BRD10: variants seen among roughly 807,000 people sequenced by gnomAD.
BRD10 encodes the protein uncharacterized bromodomain-containing protein 10.
At chr9:5,954,056 C>A in the BRD10 span, 1 of 1,567,504 alleles carries the variant, frequency 6.4e-7, no homozygotes, top group East Asian at 2.3e-5. Flanking sequence ...GACAGTTTTC[C>A]TCTTCTTTGT....
chr9:5,919,636 G>A, the BRD10 span: 2 of 1,511,544 alleles, frequency 1.3e-6, no homozygotes, highest in Admixed American at 2.3e-5. Context: ...TTTTATGGGA[G>A]TCAAAACAAT....
chr9:5,931,512 A>T, the BRD10 span, among the ~76,000 whole-genome samples: 1 of 152,218 alleles, frequency 6.6e-6, no homozygotes, highest in African/African-American at 2.4e-5. Flanking sequence ...AAATATTATG[A>T]TCAGAGAACA....
chr9:6,004,868 T>C, the BRD10 span, among the ~76,000 whole-genome samples: 2 of 152,216 alleles, frequency 1.3e-5, no homozygotes, highest in South Asian at 2.1e-4. Flanking sequence ...GATTTTAGGC[T>C]AGAAGAACTG....
the BRD10 span, chr9:5,953,904 C>A: frequency 1.5e-6 from 1 of 683,522 alleles, no homozygotes; most frequent in Non-Finnish European, 2.6e-6. Context: ...AGAAACATTT[C>A]ATTACAAGTA....
chr9:5,925,721 A>C, the BRD10 span, among the ~76,000 whole-genome samples: 2 of 152,216 alleles, frequency 1.3e-5, no homozygotes, highest in African/African-American at 4.8e-5. Context: ...AACAAAGCTG[A>C]AAAGTAATCT....
At chr9:5,945,337 C>T in the BRD10 span, among the ~76,000 whole-genome samples, 1 of 152,098 alleles carries the variant, frequency 6.6e-6, no homozygotes, top group Non-Finnish European at 1.5e-5. Context: ...ATCAGGCAGT[C>T]TCCCAGTAGG....
the BRD10 span, among the ~76,000 whole-genome samples, chr9:5,940,847 G>T: frequency 0.011 from 1,741 of 152,158 alleles, 35 homozygotes; most frequent in African/African-American, 0.039. Context: ...TCAATGTTGA[G>T]GGGCTTATCT....
chr9:5,991,914 CT>C, the BRD10 span, among the ~76,000 whole-genome samples: 1 of 152,218 alleles, frequency 6.6e-6, no homozygotes, highest in Non-Finnish European at 1.5e-5. Context: ...AGCTACAAAA[CT>C]CTCCATTTTA....
the BRD10 span, among the ~76,000 whole-genome samples, chr9:5,904,270 T>A: frequency 2.0e-5 from 3 of 152,238 alleles, no homozygotes; most frequent in Admixed American, 6.5e-5. Context: ...CAATCTGTCT[T>A]TTAATTGGTG....
At chr9:5,888,906 A>T in the BRD10 span, among the ~76,000 whole-genome samples, 3 of 152,214 alleles carry the variant, frequency 2.0e-5, no homozygotes, top group African/African-American at 7.2e-5. Flanking sequence ...GAATTTCTCA[A>T]TTGAGTTGTG....
At chr9:5,901,157 G>A in the BRD10 span, among the ~76,000 whole-genome samples, 4 of 151,978 alleles carry the variant, frequency 2.6e-5, no homozygotes, top group Non-Finnish European at 4.4e-5. Flanking sequence ...AGAAAAAAAT[G>A]GTAATTGACA....
chr9:5,983,962 T>TACACAC, the BRD10 span, among the ~76,000 whole-genome samples: 7,908 of 129,564 alleles, frequency 0.061, 275 homozygotes, highest in African/African-American at 0.094. Flanking sequence ...GTATATGCAT[T>TACACAC]ACACACACAC....
At chr9:5,997,468 T>C in the BRD10 span, among the ~76,000 whole-genome samples, 2 of 151,874 alleles carry the variant, frequency 1.3e-5, no homozygotes, top group African/African-American at 4.8e-5. Context: ...GGACTCACTC[T>C]ACCAAATATA....
chr9:5,959,329 C>A, the BRD10 span, among the ~76,000 whole-genome samples: 1 of 152,164 alleles, frequency 6.6e-6, no homozygotes, highest in African/African-American at 2.4e-5. Context: ...CTAATCCTGT[C>A]ACTTACTAGC....
the BRD10 span, among the ~76,000 whole-genome samples, chr9:5,895,560 C>T: frequency 1.3e-5 from 2 of 152,202 alleles, no homozygotes; most frequent in African/African-American, 4.8e-5. Context: ...AGAAGGACTA[C>T]ATACCTGCTT....
At chr9:5,919,579 C>A in the BRD10 span, 1 of 997,154 alleles carries the variant, frequency 1.0e-6, no homozygotes, top group Admixed American at 2.8e-5. Flanking sequence ...CACACACACA[C>A]ACACAATGTA....
At chr9:5,921,455 G>C in the BRD10 span, 4 of 1,613,944 alleles carry the variant, frequency 2.5e-6, no homozygotes, top group East Asian at 2.2e-5. Context: ...TGTACCACTA[G>C]GAACTGGGGC....
chr9:5,956,438 T>C, the BRD10 span, among the ~76,000 whole-genome samples: 3 of 152,290 alleles, frequency 2.0e-5, no homozygotes, highest in East Asian at 1.9e-4. Flanking sequence ...CCTACTATTA[T>C]AGAGGTCATG....
chr9:5,890,522 C>A, the BRD10 span, among the ~76,000 whole-genome samples: 7 of 152,070 alleles, frequency 4.6e-5, no homozygotes, highest in African/African-American at 1.7e-4. Flanking sequence ...ATGAAATTTT[C>A]TTTTTGCAGG....
Sources: gnomAD v4.1 joint callset for allele counts (sites outside exome capture counted in the v4.1 genomes callset) on GRCh38, gnomAD v4.1.1 for gene constraint, MANE v1.5 for transcripts, NCBI Gene and HGNC (gene_info 2026-07-23, HGNC 2026-07-21) for gene names.